RANBP9: variants seen among roughly 807,000 people sequenced by gnomAD.
The protein encoded by RANBP9 is RAN binding protein 9.
In RANBP9, 15 loss-of-function variants were observed where a neutral mutation model predicts 84.3. The ratio of observed to expected loss-of-function variants is 0.18; its 90% CI spans 0.12 to 0.27. RANBP9 has a LOEUF of 0.27. Ranked by LOEUF, RANBP9 falls within the 10% of genes least tolerant of loss-of-function variation. The probability of loss-of-function intolerance (pLI) is 1.00; values close to 1 mark genes in which losing one functional copy is unlikely to be tolerated. For missense variants in RANBP9, 809 were observed against 912.8 expected (o/e 0.89, Z 1.46); for synonymous variants, 392 against 349.6 (o/e 1.12, Z -1.35).
At chr6:13,666,185 C>T (rs1283103018) in intron 2 of RANBP9, among the ~76,000 whole-genome samples, 3 of 151,990 alleles carry the variant, frequency 2.0e-5, no homozygotes, top group Admixed American at 1.3e-4. Context: ...ATGATATATA[C>T]ATGCTGTAGT....
chr6:13,661,214 A>C (rs1765532268), intron 2 of RANBP9, among the ~76,000 whole-genome samples: 1 of 152,206 alleles, frequency 6.6e-6, no homozygotes, highest in East Asian at 1.9e-4. Context: ...CTTAACCAGG[A>C]TCTAAACCAG....
intron 2 of RANBP9, among the ~76,000 whole-genome samples, chr6:13,675,717 T>G (rs1234855501): frequency 1.3e-5 from 2 of 150,930 alleles, no homozygotes; most frequent in African/African-American, 4.9e-5. Flanking sequence ...TTGATAAACC[T>G]CTAGCCAGGA....
intron 1 of RANBP9, among the ~76,000 whole-genome samples, chr6:13,707,542 T>G (rs1276184335): frequency 1.3e-5 from 2 of 152,228 alleles, no homozygotes; most frequent in Non-Finnish European, 2.9e-5. Flanking sequence ...AAGTCTCATA[T>G]GAACTTAAAG....
intron 2 of RANBP9, among the ~76,000 whole-genome samples, chr6:13,659,242 C>CACACA (rs1562308368): frequency 2.8e-5 from 3 of 105,850 alleles, no homozygotes; most frequent in East Asian, 3.9e-4. Flanking sequence ...AATTTAGACC[C>CACACA]CACACACACA....
At position 13,705,277 on chromosome 6, in the gene RANBP9, G is replaced by A. The variant is rs151010251; in HGVS notation, c.571+5658C>T. Among the ~76,000 whole-genome samples, 608 of 151,606 alleles carry A rather than the reference G, an allele frequency of 4.0e-3. 6 individuals are homozygous for A. The South Asian group carries it at 0.046, about 11-fold the overall frequency. ...AAATTAGCCAGGCGTGGTGGCAGGC[G>A]CTTGTAATCCCGGCTACTTGGGAGG... On this transcript the variant is annotated intron_variant, in intron 1 of 13. Transcript: ENST00000011619.
intron 4 of RANBP9, among the ~76,000 whole-genome samples, chr6:13,656,036 T>C (rs553023460): frequency 1.7e-4 from 26 of 152,116 alleles, no homozygotes; most frequent in Non-Finnish European, 3.4e-4. Flanking sequence ...AAATCAGTAA[T>C]CAGAAATAGA....
At chr6:13,667,644 A>G (rs1448688933) in intron 2 of RANBP9, among the ~76,000 whole-genome samples, 4 of 152,174 alleles carry the variant, frequency 2.6e-5, no homozygotes, top group Non-Finnish European at 5.9e-5. Context: ...TTAGATACAC[A>G]AAACCATTGT....
At chr6:13,702,517 T>TA (rs1462696698) in intron 1 of RANBP9, among the ~76,000 whole-genome samples, 1 of 152,248 alleles carries the variant, frequency 6.6e-6, no homozygotes. Flanking sequence ...AGTATTTTCA[T>TA]TTAATTTATG....
chr6:13,706,487 G>A (rs887574527), intron 1 of RANBP9, among the ~76,000 whole-genome samples: 3 of 152,122 alleles, frequency 2.0e-5, no homozygotes, highest in Admixed American at 1.3e-4. Flanking sequence ...GAGGTCAAGA[G>A]ATCGAGACCA....
At chr6:13,691,925 C>T (rs575752365) in intron 2 of RANBP9, among the ~76,000 whole-genome samples, 76 of 152,220 alleles carry the variant, frequency 5.0e-4, no homozygotes, top group African/African-American at 1.8e-3. Flanking sequence ...ATCAGCCTCT[C>T]AAAGTGCTAA....
At chr6:13,681,054 T>C (rs1001950859) in intron 2 of RANBP9, among the ~76,000 whole-genome samples, 2 of 152,140 alleles carry the variant, frequency 1.3e-5, no homozygotes, top group Admixed American at 1.3e-4. Flanking sequence ...TCATAAAATA[T>C]AGATATAAAA....
chr6:13,655,466 C>T (rs1765377435), intron 4 of RANBP9, among the ~76,000 whole-genome samples: 1 of 151,970 alleles, frequency 6.6e-6, no homozygotes. Flanking sequence ...CATTCCGTCT[C>T]AAAAATTAAA....
intron 2 of RANBP9, among the ~76,000 whole-genome samples, chr6:13,662,190 T>C (rs920414841): frequency 6.6e-6 from 1 of 152,110 alleles, no homozygotes; most frequent in Non-Finnish European, 1.5e-5. Context: ...AAAAATACTA[T>C]TCAGAGTTTT....
At chr6:13,672,344 T>C (rs1429928165) in intron 2 of RANBP9, among the ~76,000 whole-genome samples, 2 of 152,158 alleles carry the variant, frequency 1.3e-5, no homozygotes, top group Non-Finnish European at 2.9e-5. Flanking sequence ...CATATGATTA[T>C]AGAACACTTC....
At chr6:13,650,199 T>G (rs1765266072) in intron 5 of RANBP9, among the ~76,000 whole-genome samples, 1 of 151,236 alleles carries the variant, frequency 6.6e-6, no homozygotes, top group Non-Finnish European at 1.5e-5. Context: ...TGAGATCTCA[T>G]TATATTGCCC....
chr6:13,689,427 C>A (rs1766273126), intron 2 of RANBP9, among the ~76,000 whole-genome samples: 2 of 151,994 alleles, frequency 1.3e-5, no homozygotes, highest in South Asian at 4.2e-4. Context: ...TGTGCCACCA[C>A]ACCCAGCTAA....
Position 13,711,618 on chromosome 6 carries a change from C to T in RANBP9, c.-113G>A, listed in dbSNP as rs1424516268. The T allele has an allele frequency of 7.7e-6, 8 of 1,040,496 alleles. No homozygotes were observed. Among genetic ancestry groups the T allele is most frequent in the Non-Finnish European group, 9.6e-6 (8 of 829,800 alleles). 64.5% of individuals were successfully genotyped at this position (1,040,496 alleles called of 1,614,324 possible). A position where few individuals can be genotyped will look rare whatever the true frequency, so the allele number is the denominator to read the frequency against. ...CACCAGGCGCCCAGTCCGCCCGCCC[C>T]GGAAGCAGGCGGCGGGCCGCGCGCC... On this transcript the variant is annotated 5_prime_UTR_variant, in exon 1 of 14. Coordinates refer to ENST00000011619, the MANE Select transcript of RANBP9 (RefSeq NM_005493.3).
At chr6:13,692,527 CAAAAAAAAAAAAAAA>C (rs61237158) in intron 2 of RANBP9, among the ~76,000 whole-genome samples, 1 of 28,716 alleles carries the variant, frequency 3.5e-5, no homozygotes, top group Non-Finnish European at 6.0e-5. Context: ...AACTCCGTCT[CAAAAAAAAAAAAAAA>C]AAAAAAAAAA....
intron 9 of RANBP9, 36 bp downstream of exon 9, chr6:13,639,527 A>C (rs774308408): frequency 6.5e-7 from 1 of 1,549,484 alleles, no homozygotes; most frequent in South Asian, 1.1e-5. Context: ...TATAAAGAGG[A>C]AAAATCTAAA....
Sources: allele counts gnomAD v4.1 joint callset (sites outside exome capture counted in the v4.1 genomes callset), GRCh38; gene constraint gnomAD v4.1.1; transcripts MANE v1.5; gene names NCBI Gene and HGNC (gene_info 2026-07-23, HGNC 2026-07-21).